Variants in LNX1 observed in about 807,000 individuals in gnomAD.
LNX1 encodes the protein E3 ubiquitin-protein ligase LNX.
LNX1 carries 54 observed loss-of-function variants against 68.4 expected under a neutral mutation model. The observed-to-expected ratio is 0.79, with a 90% CI of 0.63 to 0.99. LNX1 has a LOEUF of 0.99. Among genes scored for constraint, LNX1 ranks in the 50% least tolerant of loss-of-function variants. The pLI is 0.00. For synonymous variants in LNX1, 336 were observed against 350.0 expected (o/e 0.96, Z 0.45); for missense variants, 906 against 926.4 (o/e 0.98, Z 0.29).
At chr4:53,545,214 GA>G (rs1269549331) in intron 2 of LNX1, among the ~76,000 whole-genome samples, 2 of 152,156 alleles carry the variant, frequency 1.3e-5, no homozygotes, top group Non-Finnish European at 2.9e-5. Flanking sequence ...ACTTCAATGG[GA>G]AAATAGTTAT....
Position 53,460,966 on chromosome 4 carries a change from T to C in LNX1, c.2128A>G (p.Lys710Glu). Residue 710 changes from lysine to glutamate, a missense_variant, in exon 11 of 11, where the codon AAA (lysine) becomes GAA (glutamate). Coordinates refer to ENST00000263925, the MANE Select transcript of LNX1 (RefSeq NM_001126328.3). The part of the protein sequence containing the change: ...MIHACLARLL[K>E]ELKGRITLTI... The stretch of plus-strand genomic sequence containing the variant: ...AGAGTAATTCTTCCTTTAAGTTCTT[T>C]CAGCAGTCTTGCCAAGCAAGCATGT... 1 of 1,610,786 alleles carries C rather than the reference T, an allele frequency of 6.2e-7. No individual in the cohort carries two copies. The highest frequency in any genetic ancestry group is 8.5e-7 in the Non-Finnish European group (1 of 1,178,500).
At chr4:53,616,714 CA>C (rs1377706779) in intron 1 of LNX1, 1 of 105,858 alleles carries the variant, frequency 9.4e-6, no homozygotes, top group African/African-American at 3.7e-5. Context: ...GAAACCTTAT[CA>C]ATATGCCATT....
intron 1 of LNX1, among the ~76,000 whole-genome samples, chr4:53,588,882 C>T (rs896707395): frequency 6.6e-6 from 1 of 152,166 alleles, no homozygotes; most frequent in African/African-American, 2.4e-5. Context: ...CACAACTGCT[C>T]ATATGCAATG....
In LNX1 at chr4:53,460,848, T is replaced by C; in HGVS notation, c.*59A>G. ...ATAAAAACTGACAAGATAAATATAG[T>C]GTTTCAACTTCTTAGCCTATTTGTG... On this transcript the variant is annotated 3_prime_UTR_variant, in exon 11 of 11. Coordinates refer to ENST00000263925, the MANE Select transcript of LNX1 (RefSeq NM_001126328.3). 1.4e-6 allele frequency: 2 copies of C among 1,408,114 alleles called. No homozygotes were observed. Among genetic ancestry groups the C allele is most frequent in the East Asian group, 4.7e-5 (2 of 42,156 alleles). 87.2% of individuals were successfully genotyped at this position (1,408,114 alleles called of 1,614,324 possible). A position where few individuals can be genotyped will look rare whatever the true frequency, so the allele number is the denominator to read the frequency against.
intron 2 of LNX1, among the ~76,000 whole-genome samples, chr4:53,512,508 G>GTA (rs1553933801): frequency 0.018 from 2,637 of 149,372 alleles, 89 homozygotes; most frequent in African/African-American, 0.062. Flanking sequence ...GTGTGTGTGT[G>GTA]TGTGTGTGTG....
At chr4:53,527,062 A>AAC (rs1436060381) in intron 2 of LNX1, among the ~76,000 whole-genome samples, 3 of 151,300 alleles carry the variant, frequency 2.0e-5, no homozygotes, top group Admixed American at 6.6e-5. Flanking sequence ...AAAAAAAAAA[A>AAC]AAAAAAAAAA....
chr4:53,553,265 A>G (rs1560661954), intron 2 of LNX1, among the ~76,000 whole-genome samples: 1 of 152,090 alleles, frequency 6.6e-6, no homozygotes, highest in Non-Finnish European at 1.5e-5. Flanking sequence ...TGGAGTGAAG[A>G]GTTCTTAAAC....
At chr4:53,534,039 G>A (rs1003755585) in intron 2 of LNX1, among the ~76,000 whole-genome samples, 2 of 152,232 alleles carry the variant, frequency 1.3e-5, no homozygotes, top group African/African-American at 2.4e-5. Flanking sequence ...AGCACTGACA[G>A]TCACAGCCTA....
chr4:53,607,791 A>G (rs568704045), intron 2 of LNX1, among the ~76,000 whole-genome samples: 10 of 152,202 alleles, frequency 6.6e-5, no homozygotes, highest in Non-Finnish European at 1.3e-4. Flanking sequence ...CCAACAGAAC[A>G]GACAGCCCAG....
chr4:53,593,465 A>AC (rs543720252), upstream of LNX1, among the ~76,000 whole-genome samples: 81 of 152,324 alleles, frequency 5.3e-4, no homozygotes, highest in East Asian at 0.015. Flanking sequence ...TCACATACAC[A>AC]CAGTCATCTA....
chr4:53,551,933 A>G (rs17660502), intron 2 of LNX1, among the ~76,000 whole-genome samples: 14,293 of 152,220 alleles, frequency 0.094, 736 homozygotes, highest in Non-Finnish European at 0.12. Context: ...TTAGGTTTCA[A>G]AATTGGAATT....
chr4:53,522,693 T>C (rs1184243946), intron 2 of LNX1, among the ~76,000 whole-genome samples: 1 of 152,234 alleles, frequency 6.6e-6, no homozygotes, highest in African/African-American at 2.4e-5. Flanking sequence ...AATTGCTCTT[T>C]TTCTGATTTC....
At position 53,565,350 on chromosome 4, in the gene LNX1, G is replaced by A. The variant is rs924937821; in HGVS notation, c.380+8273C>T. 1.0e-3 allele frequency among the ~76,000 whole-genome samples: 153 copies of A among 152,066 alleles called. 1 individual carries two copies. The highest frequency in any genetic ancestry group is 6.8e-3 in the Middle Eastern group (2 of 294). ...AGTGGGTCCCTGACCCCTGACCCCC[G>A]AGCAGCCTAACTGGGAGGCACCCTC... On this transcript the variant is annotated intron_variant, in intron 2 of 10. Coordinates refer to ENST00000263925, the MANE Select transcript of LNX1 (RefSeq NM_001126328.3).
At chr4:53,617,981 G>A (rs17083205), upstream of LNX1, among the ~76,000 whole-genome samples, 19,641 of 152,052 alleles carry the variant, frequency 0.13, 1,403 homozygotes, top group East Asian at 0.28. Flanking sequence ...TAGTAGTGTG[G>A]TTAGGTGTTT....
chr4:53,529,435 C>G (rs1248410120), intron 2 of LNX1, among the ~76,000 whole-genome samples: 1 of 152,162 alleles, frequency 6.6e-6, no homozygotes, highest in African/African-American at 2.4e-5. Context: ...TTAAGGCAAC[C>G]AAGCTACTGC....
At chr4:53,600,553 C>T (rs1453907087) in intron 2 of LNX1, among the ~76,000 whole-genome samples, 1 of 151,890 alleles carries the variant, frequency 6.6e-6, no homozygotes, top group Non-Finnish European at 1.5e-5. Flanking sequence ...TCATGAAAAC[C>T]ACTCACTATT....
At chr4:53,592,871 A>G (rs956208690), upstream of LNX1, 5 of 151,508 alleles carry the variant, frequency 3.3e-5, no homozygotes, top group African/African-American at 1.2e-4. Context: ...GAAGGAAGAG[A>G]AATTGTAGTC....
intron 2 of LNX1, among the ~76,000 whole-genome samples, chr4:53,522,230 AC>A (rs1727279234): frequency 6.6e-6 from 1 of 152,034 alleles, no homozygotes; most frequent in African/African-American, 2.4e-5. Context: ...CTGGCTTCCC[AC>A]CTGGAGTGGC....
At chr4:53,469,770 A>G (rs1395849524) in intron 9 of LNX1, among the ~76,000 whole-genome samples, 1 of 152,062 alleles carries the variant, frequency 6.6e-6, no homozygotes, top group Non-Finnish European at 1.5e-5. Flanking sequence ...CGACACATAC[A>G]CCCTCCCAAG....
Sources: allele counts gnomAD v4.1 joint callset (sites outside exome capture counted in the v4.1 genomes callset), GRCh38; gene constraint gnomAD v4.1.1; transcripts MANE v1.5; gene names NCBI Gene and HGNC (gene_info 2026-07-23, HGNC 2026-07-21).